DPP10: variants seen among roughly 807,000 people sequenced by gnomAD.
DPP10 encodes inactive dipeptidyl peptidase 10.
DPP10 carries 33 observed loss-of-function variants against 120.9 expected under a neutral mutation model. That is an observed-to-expected ratio of 0.27 (90% CI 0.21 to 0.37). DPP10 has a LOEUF of 0.37. Among genes scored for constraint, DPP10 ranks in the 10% least tolerant of loss-of-function variants. The pLI is 1.00. For synonymous variants in DPP10, 337 were observed against 326.1 expected (o/e 1.03, Z -0.36); for missense variants, 816 against 942.8 (o/e 0.87, Z 1.76).
chr2:115,384,700 A>AAAG (rs1165033182), intron 3 of DPP10, among the ~76,000 whole-genome samples: 1 of 131,498 alleles, frequency 7.6e-6, no homozygotes, highest in Non-Finnish European at 1.5e-5. Context: ...GAAGAAAAAG[A>AAAG]AAGAAGAAAG....
intron 2 of DPP10, among the ~76,000 whole-genome samples, chr2:115,339,756 C>T (rs1486462806): frequency 6.6e-6 from 1 of 152,126 alleles, no homozygotes; most frequent in South Asian, 2.1e-4. Flanking sequence ...CTTAAAATTA[C>T]AAAATTTTAA....
intron 3 of DPP10, among the ~76,000 whole-genome samples, chr2:115,344,850 A>G (rs2106266254): frequency 6.6e-6 from 1 of 152,326 alleles, no homozygotes; most frequent in Non-Finnish European, 1.5e-5. Context: ...CATAGAGTGT[A>G]TTATTTGTAT....
intron 1 of DPP10, among the ~76,000 whole-genome samples, chr2:114,813,165 A>G (rs187181517): frequency 2.9e-3 from 438 of 152,302 alleles, no homozygotes; most frequent in Non-Finnish European, 3.6e-3. Context: ...TTCATTTTAG[A>G]CTGCTTGAAA....
intron 1 of DPP10, among the ~76,000 whole-genome samples, chr2:114,555,098 C>T (rs140916317): frequency 3.9e-5 from 6 of 152,224 alleles, no homozygotes; most frequent in Middle Eastern, 3.4e-3. Flanking sequence ...GGGTACTGAA[C>T]AGAGGCTCTC....
intron 3 of DPP10, among the ~76,000 whole-genome samples, chr2:115,444,129 C>T (rs998407212): frequency 6.6e-6 from 1 of 152,128 alleles, no homozygotes; most frequent in African/African-American, 2.4e-5. Context: ...GGAATTCCAC[C>T]ATGTTTATTC....
intron 1 of DPP10, among the ~76,000 whole-genome samples, chr2:114,603,688 G>C (rs1263805709): frequency 6.6e-6 from 1 of 152,032 alleles, no homozygotes; most frequent in African/African-American, 2.4e-5. Flanking sequence ...GTAAACTTGG[G>C]TACTTTTCTA....
rs75561011 is a variant in DPP10, at chr2:115,401,395, C to T, written c.271+57483C>T. On this transcript the variant is annotated intron_variant, in intron 3 of 25. Transcript: ENST00000410059. ...AGGAGTTTGAGACCAGCCTGGGTAACATAGAGAAGTCTTTCCCTGCAAAAA... is the reference window on the plus strand; with the variant it reads ...AGGAGTTTGAGACCAGCCTGGGTAATATAGAGAAGTCTTTCCCTGCAAAAA... Among the ~76,000 whole-genome samples, 76 of 152,174 alleles carry T rather than the reference C, an allele frequency of 5.0e-4. No individual in the cohort carries two copies. In the East Asian group the frequency reaches 0.014, roughly 28 times the overall value.
chr2:115,469,163 A>G (rs1459364217), intron 3 of DPP10, among the ~76,000 whole-genome samples: 4 of 152,062 alleles, frequency 2.6e-5, no homozygotes, highest in Non-Finnish European at 5.9e-5. Flanking sequence ...CTTAAGCTAC[A>G]TGGCAATAAG....
At chr2:115,303,799 A>C (rs2061247846) in intron 1 of DPP10, among the ~76,000 whole-genome samples, 1 of 151,878 alleles carries the variant, frequency 6.6e-6, no homozygotes, top group South Asian at 2.1e-4. Context: ...ACTCCAGTAC[A>C]TTTTGTTAAA....
chr2:114,540,731 G>A (rs1288072168), intron 1 of DPP10, among the ~76,000 whole-genome samples: 1 of 152,182 alleles, frequency 6.6e-6, no homozygotes, highest in African/African-American at 2.4e-5. Flanking sequence ...AGGAAAAGGA[G>A]TCTAAACTGA....
chr2:115,130,548 C>T (rs1290532700), intron 1 of DPP10, among the ~76,000 whole-genome samples: 1 of 146,952 alleles, frequency 6.8e-6, no homozygotes, highest in Non-Finnish European at 1.5e-5. Flanking sequence ...ATCCATTCAT[C>T]TTCAGCTTTC....
At chr2:115,045,854 T>C (rs1169075286) in intron 1 of DPP10, among the ~76,000 whole-genome samples, 1 of 152,168 alleles carries the variant, frequency 6.6e-6, no homozygotes, top group African/African-American at 2.4e-5. Context: ...TATTTGGCCA[T>C]GTTGCTCTGC....
At chr2:115,346,867 A>G (rs574771845) in intron 3 of DPP10, among the ~76,000 whole-genome samples, 1 of 152,246 alleles carries the variant, frequency 6.6e-6, no homozygotes, top group East Asian at 1.9e-4. Flanking sequence ...AGGCTGCTTT[A>G]CTCATTATGC....
At chr2:115,757,489 A>C (rs1268549836) in intron 11 of DPP10, among the ~76,000 whole-genome samples, 1 of 152,118 alleles carries the variant, frequency 6.6e-6, no homozygotes, top group Non-Finnish European at 1.5e-5. Flanking sequence ...TAAATCCATC[A>C]AATCTCATGA....
At chr2:115,313,989 G>T (rs1410719412) in intron 2 of DPP10, among the ~76,000 whole-genome samples, 4 of 152,122 alleles carry the variant, frequency 2.6e-5, no homozygotes, top group African/African-American at 4.8e-5. Flanking sequence ...AAATATATGA[G>T]TGTACATTAA....
At chr2:115,793,029 T>C (rs1251207919) in intron 19 of DPP10, among the ~76,000 whole-genome samples, 1 of 152,228 alleles carries the variant, frequency 6.6e-6, no homozygotes, top group Admixed American at 6.5e-5. Context: ...ATCTCTTTGT[T>C]TTCTGAAACA....
intron 5 of DPP10, among the ~76,000 whole-genome samples, chr2:115,678,320 C>T (rs1488330704): frequency 6.6e-6 from 1 of 152,210 alleles, no homozygotes; most frequent in African/African-American, 2.4e-5. Flanking sequence ...CGGGGCCCCC[C>T]TGCTGTGTGC....
At position 115,815,604 on chromosome 2, in the gene DPP10, A is replaced by G. The variant is rs1027850256; in HGVS notation, c.1896-71A>G. On this transcript the variant is annotated intron_variant, in intron 20 of 25. Transcript: ENST00000410059. Reference sequence around the variant, plus strand: ...ATTAGCTATTGTTTTGTATGTATGCATGCCAACTATATATTTATATTTGCA... The same window carrying G: ...ATTAGCTATTGTTTTGTATGTATGCGTGCCAACTATATATTTATATTTGCA... 8.8e-6 allele frequency: 12 copies of G among 1,357,190 alleles called. No individual in the cohort carries two copies. The African/African-American group carries it at 1.6e-4, about 18-fold the overall frequency. The allele number at this position is 1,357,190 out of a possible 1,614,324, so 84.1% of individuals were successfully genotyped here. A position where few individuals can be genotyped will look rare whatever the true frequency, so the allele number is the denominator to read the frequency against.
At chr2:114,473,761 T>G (rs1680135551) in intron 1 of DPP10, among the ~76,000 whole-genome samples, 1 of 152,228 alleles carries the variant, frequency 6.6e-6, no homozygotes, top group South Asian at 2.1e-4. Context: ...TGGAAAGATT[T>G]TTATGATACA....
Sources: allele counts gnomAD v4.1 joint callset (sites outside exome capture counted in the v4.1 genomes callset), GRCh38; gene constraint gnomAD v4.1.1; transcripts MANE v1.5; gene names NCBI Gene and HGNC (gene_info 2026-07-23, HGNC 2026-07-21).